The following MMS19 variants were observed in gnomAD, a reference collection of about 807,000 sequenced individuals.
MMS19 encodes MMS19 nucleotide excision repair protein homolog.
A neutral mutation model predicts 129.8 loss-of-function variants in MMS19; 77 were observed. The ratio of observed to expected loss-of-function variants is 0.59; its 90% confidence interval spans 0.49 to 0.72. The LOEUF (loss-of-function observed/expected upper bound fraction) is 0.72, where lower values mean the gene tolerates loss of function less well. Ranked by LOEUF, MMS19 falls within the 30% of genes least tolerant of loss-of-function variation. The pLI is 0.00. For synonymous variants in MMS19, 491 were observed against 502.8 expected (o/e 0.98, Z 0.31); for missense variants, 1,168 against 1,266.3 (o/e 0.92, Z 1.18).
intron 1 of MMS19, among the ~76,000 whole-genome samples, chr10:97,486,196 T>G (rs961041317): frequency 6.6e-6 from 1 of 152,196 alleles, no homozygotes; most frequent in East Asian, 1.9e-4. Context: ...TTGTTTGTTT[T>G]TTTCTGAGAC....
chr10:97,483,877 A>G (rs907709342), intron 2 of MMS19, among the ~76,000 whole-genome samples: 9 of 152,384 alleles, frequency 5.9e-5, no homozygotes, highest in Non-Finnish European at 1.2e-4. Flanking sequence ...TGTGGCCTAC[A>G]GGCTGTGTGC....
chr10:97,470,475 G>A (rs560850841), intron 9 of MMS19, among the ~76,000 whole-genome samples: 36 of 152,236 alleles, frequency 2.4e-4, no homozygotes, highest in Non-Finnish European at 3.1e-4. Flanking sequence ...TAGCGGAGAC[G>A]AGGTCTCCCT....
At chr10:97,487,133 T>C (rs2038046134) in intron 1 of MMS19, among the ~76,000 whole-genome samples, 3 of 151,542 alleles carry the variant, frequency 2.0e-5, no homozygotes, top group Admixed American at 2.0e-4. Flanking sequence ...AAAAATAGAA[T>C]GGAAAGTCCA....
chr10:97,486,109 C>T (rs982837071), intron 1 of MMS19, among the ~76,000 whole-genome samples: 2 of 152,150 alleles, frequency 1.3e-5, no homozygotes, highest in Non-Finnish European at 2.9e-5. Context: ...GAAAATGTGA[C>T]GTGTGTGTAC....
At chr10:97,493,973 C>T (rs1049882049) in intron 1 of MMS19, among the ~76,000 whole-genome samples, 6 of 152,048 alleles carry the variant, frequency 3.9e-5, no homozygotes, top group Admixed American at 2.6e-4. Context: ...AGAGATCGCA[C>T]CATTGCACTC....
At chr10:97,479,285 G>C (rs898517778) in intron 3 of MMS19, among the ~76,000 whole-genome samples, 1 of 152,080 alleles carries the variant, frequency 6.6e-6, no homozygotes, top group Non-Finnish European at 1.5e-5. Context: ...GTGTTGGCTG[G>C]GAAAGGAAAT....
At chr10:97,464,444 G>C (rs1209342539) in intron 18 of MMS19, among the ~76,000 whole-genome samples, 1 of 152,196 alleles carries the variant, frequency 6.6e-6, no homozygotes, top group Non-Finnish European at 1.5e-5. Flanking sequence ...CAGTGGGCCT[G>C]AATCTACCCA....
rs1284306888 is a variant in MMS19 at position 97,462,072 on chromosome 10, C to T, written c.2060G>A (p.Gly687Asp). The change falls in exon 21 of 31, where the codon GGC becomes GAC. Residue 687 changes from glycine to aspartate, a missense_variant. Physicochemically the swap from Gly to Asp is moderately conservative, Grantham distance 94. Transcript: ENST00000438925. ...VTHIVPLFLD[G>D]NVSFLPENSF... is the part of the protein sequence containing the mutation. Reference sequence around the variant, plus strand: ...GTTTTCAGGCAGAAAGGACACGTTGCCATCCAAGAAGAGGGGCACAATGTG... The same window carrying T: ...GTTTTCAGGCAGAAAGGACACGTTGTCATCCAAGAAGAGGGGCACAATGTG... The T allele has an allele frequency of 6.3e-7, 1 of 1,590,852 alleles. No homozygotes were observed. Among genetic ancestry groups the T allele is most frequent in the Non-Finnish European group, 8.6e-7 (1 of 1,168,424 alleles).
At chr10:97,477,214 C>G in intron 6 of MMS19, 133 bp downstream of exon 6, 1 of 1,527,536 alleles carries the variant, frequency 6.5e-7, no homozygotes, top group East Asian at 2.3e-5. Flanking sequence ...GAGCAGACCC[C>G]CTCTTTCCCT....
intron 18 of MMS19, among the ~76,000 whole-genome samples, chr10:97,465,004 C>T (rs2033104116): frequency 1.3e-5 from 2 of 151,346 alleles, no homozygotes; most frequent in Admixed American, 6.6e-5. Context: ...ACACCCAGCC[C>T]GGCACTTTTT....
chr10:97,470,870 G>A lies in MMS19; in HGVS notation c.685-9C>T, dbSNP rs766586251. ...TGGGGATCATTAGGTGGCTGGAAAA[G>A]GGAGAAGGGCTGTGGGTTTGTGTAA... On this transcript the variant is annotated splice_polypyrimidine_tract_variant and intron_variant, in intron 8 of 30. Coordinates refer to ENST00000438925, the MANE Select transcript of MMS19 (RefSeq NM_022362.5). 5 of 1,611,164 alleles carry A rather than the reference G, an allele frequency of 3.1e-6. No homozygotes were observed. The highest frequency in any genetic ancestry group is 1.1e-5 in the South Asian group (1 of 90,994).
intron 2 of MMS19, among the ~76,000 whole-genome samples, 183 bp downstream of exon 2, chr10:97,483,920 C>T (rs2135469189): frequency 6.6e-6 from 1 of 152,358 alleles, no homozygotes; most frequent in East Asian, 1.9e-4. Context: ...AGCCAGACAG[C>T]ATGAAACTTT....
intron 20 of MMS19, 38 bp downstream of exon 20, chr10:97,462,545 T>C (rs1173457795): frequency 1.3e-6 from 2 of 1,482,754 alleles, no homozygotes; most frequent in East Asian, 2.3e-5. Flanking sequence ...ATGCTATCCT[T>C]CTCCCTGGGT....
chr10:97,493,578 C>T (rs1339346202), intron 1 of MMS19, among the ~76,000 whole-genome samples: 1 of 152,172 alleles, frequency 6.6e-6, no homozygotes, highest in Non-Finnish European at 1.5e-5. Flanking sequence ...AAAACAATCA[C>T]AGTGTAACAA....
rs1317345457 is a variant in MMS19 at position 97,471,747 on chromosome 10, A to G, written c.685-886T>C. ...GCTGGTCTGGAACTCCTGACCTCGAATGATCCACCCACCTCAGCCTCCCGA... is the reference window on the plus strand; with the variant it reads ...GCTGGTCTGGAACTCCTGACCTCGAGTGATCCACCCACCTCAGCCTCCCGA... On this transcript the variant is annotated intron_variant, in intron 8 of 30. Coordinates refer to ENST00000438925, the MANE Select transcript of MMS19 (RefSeq NM_022362.5). 2.0e-5 allele frequency among the ~76,000 whole-genome samples: 3 copies of G among 152,032 alleles called. No individual in the cohort carries two copies. In the East Asian group the frequency reaches 5.8e-4, roughly 29 times the overall value.
At position 97,458,402 on chromosome 10, in the gene MMS19, C is replaced by G. The variant is rs541594791; in HGVS notation, c.*290G>C. 2.4e-6 allele frequency: 1 copy of G among 415,770 alleles called. No individual in the cohort carries two copies. The highest frequency in any genetic ancestry group is 4.3e-6 in the Non-Finnish European group (1 of 232,448). 25.8% of individuals were successfully genotyped at this position (415,770 alleles called of 1,614,324 possible). A position where few individuals can be genotyped will look rare whatever the true frequency, so the allele number is the denominator to read the frequency against. The stretch of plus-strand genomic sequence containing the variant: ...GTCCTCAGGGCCACACTCATATGCA[C>G]TCACCCCTCAGCAGCATATCGCCCC... On this transcript the variant is annotated 3_prime_UTR_variant, in exon 31 of 31. Transcript: ENST00000438925.
chr10:97,459,358 G>C lies in MMS19; in HGVS notation c.2904+4C>G. The C allele has an allele frequency of 6.2e-7, 1 of 1,607,166 alleles. No homozygotes were observed. ...TGCCTAAGAGTTGCTGGGGCTCAAC[G>C]CACCATGGAAGGGCTAGAGCTGAGG... On this transcript the variant is annotated splice_donor_region_variant and intron_variant, in intron 28 of 30. Transcript: ENST00000438925.
At chr10:97,467,717 A>C in intron 13 of MMS19, 134 bp from the exon 14 acceptor site, 1 of 759,688 alleles carries the variant, frequency 1.3e-6, no homozygotes, top group Non-Finnish European at 2.1e-6. Flanking sequence ...AGGCTGGAAT[A>C]CAGTAGCATG....
intron 1 of MMS19, among the ~76,000 whole-genome samples, chr10:97,485,120 CTTTA>C (rs925826087): frequency 3.3e-5 from 5 of 151,794 alleles, no homozygotes; most frequent in Non-Finnish European, 7.4e-5. Flanking sequence ...ATGATGAAAA[CTTTA>C]TTTTATTTAT....
Sources: allele counts gnomAD v4.1 joint callset (sites outside exome capture counted in the v4.1 genomes callset), GRCh38; gene constraint gnomAD v4.1.1; transcripts MANE v1.5; gene names NCBI Gene and HGNC (gene_info 2026-07-23, HGNC 2026-07-21).